Variants in PRR19 observed in about 807,000 individuals in gnomAD.
PRR19 encodes proline-rich protein 19.
A neutral mutation model predicts 19.2 loss-of-function variants in PRR19; 9 were observed. That is an observed-to-expected ratio of 0.47 (90% CI 0.28 to 0.82). The LOEUF (loss-of-function observed/expected upper bound fraction) is 0.82, where lower values mean the gene tolerates loss of function less well. Ranked by LOEUF, PRR19 falls within the 40% of genes least tolerant of loss-of-function variation. The probability of loss-of-function intolerance (pLI) is 0.11; values close to 1 mark genes in which losing one functional copy is unlikely to be tolerated. For synonymous variants in PRR19, 190 were observed against 191.0 expected (o/e 0.99, Z 0.04); for missense variants, 457 against 466.0 (o/e 0.98, Z 0.18).
chr19:42,309,495 C>T, intron 1 of PRR19, 84 bp from the exon 2 acceptor site: 1 of 1,071,862 alleles, frequency 9.3e-7, no homozygotes, highest in Non-Finnish European at 1.4e-6. Flanking sequence ...AGGCATAAGC[C>T]ACCGCGCCCA....
In PRR19 at chr19:42,309,761, C is replaced by G. The variant is rs758812228; in HGVS notation, c.177C>G (p.Ser59=). The G allele has an allele frequency of 6.2e-7, 1 of 1,610,532 alleles. No homozygotes were observed. Among genetic ancestry groups the G allele is most frequent in the Non-Finnish European group, 8.5e-7 (1 of 1,177,480 alleles). The change falls in exon 2 of 3, where the codon TCC becomes TCG. Residue 59 remains serine, a synonymous_variant. Transcript: ENST00000341747. ...ATCCACCTGTGGTCCCTACTGCCTC[C>G]AAGCTCGTGGTCATAACCCAGGGCC... ...IRDPPVVPTA[S]KLVVITQGRL...
In PRR19 at chr19:42,310,547, C is replaced by T. The variant is rs775076557; in HGVS notation, c.878C>T (p.Ala293Val). The change falls in exon 3 of 3, where the codon GCC (alanine) becomes GTC (valine). Residue 293 changes from alanine to valine, a missense_variant. Coordinates refer to ENST00000341747, the MANE Select transcript of PRR19 (RefSeq NM_199285.3). ...TTGTTAAAAAGCATCTGGCTGGTAG[C>T]CACGCCACCCCCTCCTCGGCCCTGG... ...FDLLKSIWLV[A>V]TPPPPRPWGV... is the part of the protein sequence containing the mutation. 6.2e-7 allele frequency: 1 copy of T among 1,614,186 alleles called. No homozygotes were observed. Among genetic ancestry groups the T allele is most frequent in the South Asian group, 1.1e-5 (1 of 91,090 alleles).
chr19:42,302,441 G>A lies in PRR19; in HGVS notation c.-69G>A. On this transcript the variant is annotated 5_prime_UTR_variant, in exon 1 of 3. Coordinates refer to ENST00000341747, the MANE Select transcript of PRR19 (RefSeq NM_199285.3). ...ACCGTCCCAACGCTAGCACACCCGCGGAGGACGAAGGCCGATACAGGGCGC... is the reference window on the plus strand; with the variant it reads ...ACCGTCCCAACGCTAGCACACCCGCAGAGGACGAAGGCCGATACAGGGCGC... The A allele has an allele frequency of 1.3e-6, 1 of 757,948 alleles. No homozygotes were observed. The highest frequency in any genetic ancestry group is 2.1e-6 in the Non-Finnish European group (1 of 477,862). 47.0% of individuals were successfully genotyped at this position (757,948 alleles called of 1,614,324 possible).
Position 42,302,197 on chromosome 19 carries a change from C to T in PRR19, c.-313C>T. On this transcript the variant is annotated 5_prime_UTR_variant, in exon 1 of 3. Coordinates refer to ENST00000341747, the MANE Select transcript of PRR19 (RefSeq NM_199285.3). The stretch of plus-strand genomic sequence containing the variant: ...TTCTCCTGAGCCACCCCCCGCGCCC[C>T]CGGACTCCTCAATATCCCAGGTGGG... 3 of 1,555,876 alleles carry T rather than the reference C, an allele frequency of 1.9e-6. No homozygotes were observed. Among genetic ancestry groups the T allele is most frequent in the Non-Finnish European group, 2.6e-6 (3 of 1,148,148 alleles).
intron 1 of PRR19, among the ~76,000 whole-genome samples, chr19:42,304,857 T>C (rs1209112146): frequency 6.8e-6 from 1 of 146,452 alleles, no homozygotes; most frequent in Non-Finnish European, 1.5e-5. Context: ...CAGTGGCCCA[T>C]GATGGTGTCA....
intron 1 of PRR19, 90 bp downstream of exon 1, chr19:42,302,593 CCG>C: frequency 2.4e-6 from 1 of 412,592 alleles, no homozygotes; most frequent in Non-Finnish European, 4.4e-6. Flanking sequence ...GACTCCCAGG[CCG>C]CGCACCCGGC....
chr19:42,304,193 A>G (rs1021769245), intron 1 of PRR19, among the ~76,000 whole-genome samples: 2 of 152,004 alleles, frequency 1.3e-5, no homozygotes, highest in Non-Finnish European at 2.9e-5. Flanking sequence ...AGGCAGGACA[A>G]TTGCTTGAGT....
intron 1 of PRR19, among the ~76,000 whole-genome samples, chr19:42,303,076 T>G (rs966743104): frequency 4.2e-5 from 6 of 142,456 alleles, no homozygotes; most frequent in South Asian, 2.1e-4. Flanking sequence ...TGTGTGTGTG[T>G]GTGTGTGTGT....
intron 1 of PRR19, among the ~76,000 whole-genome samples, chr19:42,303,242 G>A (rs2038669120): frequency 6.6e-6 from 1 of 152,116 alleles, no homozygotes; most frequent in African/African-American, 2.4e-5. Flanking sequence ...GACCTGCTTG[G>A]AGGGTAGAAG....
intron 1 of PRR19, among the ~76,000 whole-genome samples, chr19:42,305,012 A>G (rs1254895741): frequency 1.3e-5 from 2 of 151,802 alleles, no homozygotes; most frequent in African/African-American, 4.8e-5. Flanking sequence ...GTTCAAGACC[A>G]GTCTGACCAA....
intron 1 of PRR19, chr19:42,308,648 C>CT (rs1206095321): frequency 5.9e-5 from 9 of 152,334 alleles, no homozygotes; most frequent in African/African-American, 2.2e-4. Context: ...ATCTGCTCGC[C>CT]TTGGCCTCCC....
intron 1 of PRR19, among the ~76,000 whole-genome samples, chr19:42,304,749 C>CAAAAAAA (rs934766288): frequency 2.7e-5 from 1 of 36,814 alleles, no homozygotes; most frequent in African/African-American, 1.1e-4. Context: ...GACGCCGTCT[C>CAAAAAAA]AAAAAAAAAA....
At chr19:42,302,785 G>A (rs1241982215) in intron 1 of PRR19, 3 of 140,334 alleles carry the variant, frequency 2.1e-5, no homozygotes, top group Non-Finnish European at 4.6e-5. Flanking sequence ...TGAAATGTGC[G>A]GAAGGGACCA....
In PRR19 at chr19:42,307,715, G is replaced by A. The variant is rs1232326612; in HGVS notation, c.-6-1864G>A. ...CTCCCAAAGTGCTGGGACTACAGGC[G>A]TGAGCCACTGCGCCTGGCCCCCACC... On this transcript the variant is annotated intron_variant, in intron 1 of 2. Transcript: ENST00000341747. Among the ~76,000 whole-genome samples the A allele has an allele frequency of 2.1e-5, 3 of 145,878 alleles. No individual in the cohort carries two copies. The East Asian group carries it at 6.1e-4, about 30-fold the overall frequency.
intron 1 of PRR19, among the ~76,000 whole-genome samples, chr19:42,303,797 T>C (rs2038675855): frequency 6.6e-6 from 1 of 151,846 alleles, no homozygotes; most frequent in Non-Finnish European, 1.5e-5. Context: ...GGTGTCAAAG[T>C]TGTGTTTGAG....
At chr19:42,305,347 C>T (rs1026357499) in intron 1 of PRR19, among the ~76,000 whole-genome samples, 4 of 151,230 alleles carry the variant, frequency 2.6e-5, no homozygotes, top group African/African-American at 7.3e-5. Flanking sequence ...GGCGCGATCT[C>T]GGCTCACTGC....
At chr19:42,303,183 G>A (rs188679173) in intron 1 of PRR19, among the ~76,000 whole-genome samples, 4 of 151,986 alleles carry the variant, frequency 2.6e-5, no homozygotes, top group African/African-American at 9.7e-5. Context: ...GTGTGCGCGC[G>A]CGTGGCATAA....
rs1297521406 is a variant in PRR19 at position 42,302,153 on chromosome 19, G to A, written c.-357G>A. On this transcript the variant is annotated 5_prime_UTR_variant, in exon 1 of 3. Transcript: ENST00000341747. ...CCTCAGTTTCCCAATCAGGTAGTGA[G>A]AGTGGCACGAACCAGCCGTTCTCCT... 2.0e-6 allele frequency: 3 copies of A among 1,493,272 alleles called. No individual in the cohort carries two copies. The highest frequency in any genetic ancestry group is 2.7e-6 in the Non-Finnish European group (3 of 1,096,008). The allele number at this position is 1,493,272 out of a possible 1,614,324, so 92.5% of individuals were successfully genotyped here.
rs1311098671 is a variant in PRR19 at position 42,309,729 on chromosome 19, A to G, written c.145A>G (p.Ile49Val). The change falls in exon 2 of 3, where the codon ATT (isoleucine) becomes GTT (valine). Residue 49 changes from isoleucine to valine, a missense_variant. Coordinates refer to ENST00000341747, the MANE Select transcript of PRR19 (RefSeq NM_199285.3). ...PLAHHDPPVA[I>V]RDPPVVPTAS... is the part of the protein sequence containing the mutation. ...AGCCCACCACGATCCTCCTGTGGCC[A>G]TTCGGGATCCACCTGTGGTCCCTAC... The G allele has an allele frequency of 6.2e-7, 1 of 1,607,676 alleles. No individual in the cohort carries two copies. Among genetic ancestry groups the G allele is most frequent in the Non-Finnish European group, 8.5e-7 (1 of 1,175,096 alleles).
Sources: allele counts gnomAD v4.1 joint callset (sites outside exome capture counted in the v4.1 genomes callset), GRCh38; gene constraint gnomAD v4.1.1; transcripts MANE v1.5; gene names NCBI Gene and HGNC (gene_info 2026-07-23, HGNC 2026-07-21).